The following CLNK variants were observed in gnomAD, a reference collection of about 807,000 sequenced individuals.
The protein encoded by CLNK is cytokine dependent hematopoietic cell linker, also known as cytokine-dependent hematopoietic cell linker.
CLNK carries 74 observed loss-of-function variants against 68.6 expected under a neutral mutation model. The ratio of observed to expected loss-of-function variants is 1.08; its 90% CI spans 0.89 to 1.31. The LOEUF (loss-of-function observed/expected upper bound fraction) is 1.31, where lower values mean the gene tolerates loss of function less well. Among genes scored for constraint, CLNK ranks in the 50% most tolerant of loss-of-function variants. The pLI, the probability that CLNK is intolerant of heterozygous loss-of-function variation, is 0.00. For missense variants in CLNK, 553 were observed against 515.3 expected, an observed-to-expected ratio of 1.07 and a Z score of -0.71; for synonymous variants, 198 against 172.2, an observed-to-expected ratio of 1.15 and a Z score of -1.17.
At chr4:10,549,704 G>T (rs1719372300) in intron 8 of CLNK, among the ~76,000 whole-genome samples, 1 of 152,154 alleles carries the variant, frequency 6.6e-6, no homozygotes, top group African/African-American at 2.4e-5. Context: ...GGGAAAACGG[G>T]AATTTACCTC....
At chr4:10,592,564 G>A (rs1721218332) in intron 3 of CLNK, among the ~76,000 whole-genome samples, 2 of 151,538 alleles carry the variant, frequency 1.3e-5, no homozygotes, top group South Asian at 2.1e-4. Context: ...AGGCATCATA[G>A]GAGGCTCTCG....
intron 2 of CLNK, among the ~76,000 whole-genome samples, chr4:10,621,350 C>T (rs573101216): frequency 9.9e-5 from 15 of 152,164 alleles, no homozygotes; most frequent in South Asian, 8.3e-4. Context: ...GCAGAGTTAC[C>T]GGAAGATAGC....
chr4:10,659,962 G>A (rs547648311), intron 2 of CLNK, among the ~76,000 whole-genome samples: 1 of 152,182 alleles, frequency 6.6e-6, no homozygotes, highest in Non-Finnish European at 1.5e-5. Flanking sequence ...ATCTGTAGGG[G>A]AATGTTGGGC....
At chr4:10,664,297 T>C (rs1171282434) in intron 2 of CLNK, among the ~76,000 whole-genome samples, 5 of 152,166 alleles carry the variant, frequency 3.3e-5, no homozygotes, top group South Asian at 2.1e-4. Flanking sequence ...ACTGAAATTG[T>C]TTTTGTTTAA....
intron 2 of CLNK, among the ~76,000 whole-genome samples, chr4:10,637,580 C>A (rs1333467360): frequency 7.2e-6 from 1 of 139,542 alleles, no homozygotes; most frequent in Non-Finnish European, 1.5e-5. Context: ...GCCCACCATT[C>A]CTCTTTTTTT....
intron 8 of CLNK, among the ~76,000 whole-genome samples, chr4:10,557,335 C>G (rs1306406048): frequency 6.6e-6 from 1 of 152,112 alleles, no homozygotes; most frequent in African/African-American, 2.4e-5. Context: ...ACTGCCCTAT[C>G]CTCTCATTTC....
At chr4:10,550,997 G>A (rs1371668357) in intron 8 of CLNK, among the ~76,000 whole-genome samples, 1 of 152,190 alleles carries the variant, frequency 6.6e-6, no homozygotes, top group Non-Finnish European at 1.5e-5. Context: ...TGGACACAGC[G>A]CAACAGAAAC....
intron 18 of CLNK, among the ~76,000 whole-genome samples, chr4:10,499,346 A>G (rs7655289): frequency 0.12 from 18,977 of 152,088 alleles, 2,025 homozygotes; most frequent in African/African-American, 0.28. Flanking sequence ...GCAGAACTAA[A>G]ATTGCTTTGC....
At chr4:10,624,366 C>T (rs1271773817) in intron 2 of CLNK, among the ~76,000 whole-genome samples, 2 of 152,192 alleles carry the variant, frequency 1.3e-5, no homozygotes, top group African/African-American at 2.4e-5. Flanking sequence ...CATCTCGGCT[C>T]ACTGCAAGCT....
At chr4:10,627,918 C>T (rs189610478) in intron 2 of CLNK, among the ~76,000 whole-genome samples, 12 of 152,306 alleles carry the variant, frequency 7.9e-5, no homozygotes, top group Non-Finnish European at 5.9e-5. Context: ...CTTCTTCCCC[C>T]TTCTGTCTCC....
chr4:10,520,820 G>A lies in CLNK; in HGVS notation c.743C>T (p.Thr248Met), dbSNP rs369927950. The change falls in exon 15 of 19, where the codon ACG (threonine) becomes ATG (methionine). Residue 248 changes from threonine to methionine, a missense_variant. Coordinates refer to ENST00000226951, the MANE Select transcript of CLNK (RefSeq NM_052964.4). ...GTTTTGCACACTGTGGTTGCTTGTC[G>A]TGAATGAAGAACTATAAGAAAATAT... ...IPLAISSSSFTTSNHSVQNRD... is the reference protein window; with the variant it reads ...IPLAISSSSFMTSNHSVQNRD... 2.9e-5 allele frequency: 47 copies of A among 1,605,212 alleles called. No homozygotes were observed. The highest frequency in any genetic ancestry group is 1.6e-4 in the Middle Eastern group (1 of 6,072).
chr4:10,605,246 C>A (rs538833421), intron 2 of CLNK, among the ~76,000 whole-genome samples: 1 of 152,274 alleles, frequency 6.6e-6, no homozygotes, highest in Non-Finnish European at 1.5e-5. Flanking sequence ...CTCTCTCTCT[C>A]TACGGATACA....
chr4:10,693,264 C>G, the CLNK span, among the ~76,000 whole-genome samples: 2 of 152,320 alleles, frequency 1.3e-5, no homozygotes, highest in African/African-American at 2.4e-5. Flanking sequence ...GGAGTCTTAA[C>G]TCCCAGTTAC....
At chr4:10,666,965 G>A (rs1724423782) in intron 2 of CLNK, among the ~76,000 whole-genome samples, 1 of 152,168 alleles carries the variant, frequency 6.6e-6, no homozygotes, top group Non-Finnish European at 1.5e-5. Flanking sequence ...CACCTGCGAG[G>A]TACAGTCATT....
rs1378543452 is a variant in CLNK, at chr4:10,525,873, T to A, written c.699A>T (p.Gln233His). ...KPESTHLLEN[Q>H]NTQEIPLAIS... ...TGGCAAGTGGAATCTCTTGAGTATT[T>A]TGGTTTTCTAACAGATGAGTTGATT... The change falls in exon 14 of 19, where the codon CAA becomes CAT. Residue 233 changes from glutamine to histidine, a missense_variant. By Grantham distance (24) the Gln-to-His change is conservative (BLOSUM62 0). Transcript: ENST00000226951. 8 of 1,584,250 alleles carry A rather than the reference T, an allele frequency of 5.0e-6. No individual in the cohort carries two copies. The highest frequency in any genetic ancestry group is 6.0e-6 in the Non-Finnish European group (7 of 1,163,514).
chr4:10,641,562 A>T (rs1219182899), intron 2 of CLNK, among the ~76,000 whole-genome samples: 1 of 152,128 alleles, frequency 6.6e-6, no homozygotes, highest in Non-Finnish European at 1.5e-5. Flanking sequence ...GGACTAAGAG[A>T]TGTATTCCCC....
intron 2 of CLNK, among the ~76,000 whole-genome samples, chr4:10,629,969 A>T (rs1266910804): frequency 6.6e-6 from 1 of 152,186 alleles, no homozygotes; most frequent in African/African-American, 2.4e-5. Flanking sequence ...AGGGCTTCTG[A>T]TGCTGCCAGT....
chr4:10,648,839 T>A (rs1723619058), intron 2 of CLNK, among the ~76,000 whole-genome samples: 2 of 152,166 alleles, frequency 1.3e-5, no homozygotes, highest in African/African-American at 4.8e-5. Context: ...ATCTCATGCA[T>A]CTTATCGACT....
intron 2 of CLNK, among the ~76,000 whole-genome samples, chr4:10,612,995 C>A (rs1027123143): frequency 1.3e-5 from 2 of 152,186 alleles, no homozygotes; most frequent in African/African-American, 4.8e-5. Context: ...AAAATGAATT[C>A]AACAACACAT....
Sources: allele counts gnomAD v4.1 joint callset (sites outside exome capture counted in the v4.1 genomes callset), GRCh38; gene constraint gnomAD v4.1.1; transcripts MANE v1.5; gene names NCBI Gene and HGNC (gene_info 2026-07-23, HGNC 2026-07-21).